The following PRKCA variants were observed in gnomAD, a reference collection of about 807,000 sequenced individuals.
The protein encoded by PRKCA is protein kinase C alpha.
Under a neutral mutation model 87.0 loss-of-function variants are expected in PRKCA, and 27 were observed. The observed-to-expected ratio is 0.31, with a 90% CI of 0.23 to 0.43. The LOEUF is 0.43. Among genes scored for constraint, PRKCA ranks in the 20% least tolerant of loss-of-function variants. PRKCA has a pLI of 1.00. For synonymous variants in PRKCA, 329 were observed against 311.1 expected, an observed-to-expected ratio of 1.06 and a Z score of -0.61; for missense variants, 518 against 852.3, an observed-to-expected ratio of 0.61 and a Z score of 4.88.
intron 2 of PRKCA, among the ~76,000 whole-genome samples, chr17:66,363,516 G>C (rs538855039): frequency 6.6e-6 from 1 of 152,138 alleles, no homozygotes; most frequent in African/African-American, 2.4e-5. Flanking sequence ...TTCTTAATGA[G>C]GCAAATTATC....
chr17:66,669,545 C>A (rs967679120), intron 5 of PRKCA, among the ~76,000 whole-genome samples: 3 of 152,158 alleles, frequency 2.0e-5, no homozygotes, highest in African/African-American at 7.2e-5. Flanking sequence ...ATTTATGGAG[C>A]ATTCAAATGA....
intron 3 of PRKCA, among the ~76,000 whole-genome samples, chr17:66,541,816 A>C (rs1967997738): frequency 6.6e-6 from 1 of 152,236 alleles, no homozygotes; most frequent in South Asian, 2.1e-4. Flanking sequence ...GCATTGTTTA[A>C]AACTCTTCTG....
intron 14 of PRKCA, chr17:66,778,284 C>T (rs1191731511): frequency 5.6e-5 from 49 of 882,692 alleles, no homozygotes; most frequent in Non-Finnish European, 6.5e-5. Context: ...GAGGCCGAGG[C>T]GGGCGGATCA....
chr17:66,595,463 C>CTTTTTTTTTTTTTTTTTTTTTTTTTTT (rs374376124), intron 3 of PRKCA, among the ~76,000 whole-genome samples: 1 of 116,556 alleles, frequency 8.6e-6, no homozygotes, highest in Non-Finnish European at 1.7e-5. Flanking sequence ...TCTTTTCCTT[C>CTTTTTTTTTTTTTTTTTTTTTTTTTTT]TTTTTTTTTT....
intron 2 of PRKCA, among the ~76,000 whole-genome samples, chr17:66,371,296 G>A (rs1909091892): frequency 6.6e-6 from 1 of 152,210 alleles, no homozygotes; most frequent in South Asian, 2.1e-4. Flanking sequence ...TCAGAATGAA[G>A]AGAGAATTGT....
At chr17:66,796,495 G>A (rs1195071680) in intron 16 of PRKCA, 21 of 985,138 alleles carry the variant, frequency 2.1e-5, no homozygotes, top group South Asian at 4.7e-5. Context: ...CCAGGTCTTC[G>A]GTGAGCACGT....
chr17:66,508,409 G>A (rs951503220), intron 3 of PRKCA, among the ~76,000 whole-genome samples: 1 of 152,236 alleles, frequency 6.6e-6, no homozygotes, highest in African/African-American at 2.4e-5. Context: ...CTGACTGGGT[G>A]AAGGTTTCCC....
At chr17:66,729,460 T>C (rs1173618121) in intron 8 of PRKCA, among the ~76,000 whole-genome samples, 1 of 152,160 alleles carries the variant, frequency 6.6e-6, no homozygotes, top group Non-Finnish European at 1.5e-5. Flanking sequence ...TTTCTCAACT[T>C]AGAATCATTG....
At chr17:66,509,168 GTGTGTGTGTA>G (rs1366090518) in intron 3 of PRKCA, among the ~76,000 whole-genome samples, 183 of 135,966 alleles carry the variant, frequency 1.3e-3, no homozygotes, top group African/African-American at 4.6e-3. Flanking sequence ...AGGAACGTGT[GTGTGTGTGTA>G]TGTGTGTGTG....
intron 8 of PRKCA, among the ~76,000 whole-genome samples, chr17:66,731,352 A>G (rs1230281569): frequency 0.19 from 4,759 of 25,132 alleles, 297 homozygotes; most frequent in African/African-American, 0.35. Flanking sequence ...TCCGTCTCAG[A>G]AAAAAAAAAA....
At position 66,302,994 on chromosome 17, in the gene PRKCA, C is replaced by T. The variant is rs1567761731; in HGVS notation, c.143C>T (p.Thr48Ile). Reference sequence around the variant, plus strand: ...ATCGCGCGCTTCTTCAAGCAGCCCACCTTCTGCAGCCACTGCACCGACTTC... The same window carrying T: ...ATCGCGCGCTTCTTCAAGCAGCCCATCTTCTGCAGCCACTGCACCGACTTC... ...KFIARFFKQPTFCSHCTDFIW... is the reference protein window; with the variant it reads ...KFIARFFKQPIFCSHCTDFIW... Residue 48 changes from threonine (T) to isoleucine (I), a missense_variant, in exon 1 of 17, where the codon ACC becomes ATC. Thr to Ile is a moderately conservative substitution (Grantham distance 89). This residue lies in a region of PRKCA where 25 missense variants were observed against 72.1 expected (regional missense o/e 0.35). Transcript: ENST00000413366. 1 of 1,611,242 alleles carries T rather than the reference C, an allele frequency of 6.2e-7. No individual in the cohort carries two copies. Among genetic ancestry groups the T allele is most frequent in the Non-Finnish European group, 8.5e-7 (1 of 1,178,692 alleles).
intron 2 of PRKCA, among the ~76,000 whole-genome samples, chr17:66,485,637 G>T (rs1443345304): frequency 2.0e-5 from 3 of 152,180 alleles, no homozygotes. Flanking sequence ...ACATTTTGCT[G>T]AAGAAAGAGA....
chr17:66,659,328 A>G (rs1474177842), intron 5 of PRKCA, among the ~76,000 whole-genome samples: 2 of 152,160 alleles, frequency 1.3e-5, no homozygotes, highest in African/African-American at 2.4e-5. Context: ...ATATTTCACC[A>G]GAGTTACTCT....
intron 3 of PRKCA, among the ~76,000 whole-genome samples, chr17:66,570,792 G>A (rs931571251): frequency 6.6e-6 from 1 of 152,158 alleles, no homozygotes; most frequent in Non-Finnish European, 1.5e-5. Flanking sequence ...ATTTCCATTA[G>A]CAGATTGGCA....
chr17:66,449,617 G>C (rs1316931036), intron 2 of PRKCA, among the ~76,000 whole-genome samples: 1 of 152,160 alleles, frequency 6.6e-6, no homozygotes, highest in Non-Finnish European at 1.5e-5. Context: ...GTTTAGTCTG[G>C]AGAAAAGGCC....
chr17:66,418,031 G>A (rs1031654897), intron 2 of PRKCA, among the ~76,000 whole-genome samples: 1 of 152,212 alleles, frequency 6.6e-6, no homozygotes, highest in East Asian at 1.9e-4. Context: ...TTCATGGGCA[G>A]TGAGGATCAC....
At chr17:66,378,725 A>G (rs1344224473) in intron 2 of PRKCA, among the ~76,000 whole-genome samples, 1 of 151,994 alleles carries the variant, frequency 6.6e-6, no homozygotes, top group African/African-American at 2.4e-5. Context: ...ATGGTGTGAA[A>G]CCCGGTCTCT....
intron 2 of PRKCA, among the ~76,000 whole-genome samples, chr17:66,379,564 C>A (rs1419522931): frequency 6.6e-6 from 1 of 151,954 alleles, no homozygotes; most frequent in Non-Finnish European, 1.5e-5. Flanking sequence ...TTAGTGATGC[C>A]CTTTGAAGCT....
At position 66,372,206 on chromosome 17, in the gene PRKCA, G is replaced by A. The variant is rs375670408; in HGVS notation, c.205+66079G>A. Among the ~76,000 whole-genome samples, 68 of 152,258 alleles carry A rather than the reference G, an allele frequency of 4.5e-4. No individual in the cohort carries two copies. The South Asian group carries it at 8.1e-3, about 18-fold the overall frequency. On this transcript the variant is annotated intron_variant, in intron 2 of 16. Coordinates refer to ENST00000413366, the MANE Select transcript of PRKCA (RefSeq NM_002737.3). The stretch of plus-strand genomic sequence containing the variant: ...CCCAGGAATCTGCACTGACACAGGC[G>A]GTCTGTGAACCAGACTTGGAGAAAC...
Sources: allele counts gnomAD v4.1 joint callset (sites outside exome capture counted in the v4.1 genomes callset), GRCh38; gene constraint gnomAD v4.1.1; regional missense constraint gnomAD v4.1.1; transcripts MANE v1.5; gene names NCBI Gene and HGNC (gene_info 2026-07-23, HGNC 2026-07-21).